CAMTA1: variants seen among roughly 807,000 people sequenced by gnomAD.
The protein encoded by CAMTA1 is calmodulin-binding transcription activator 1.
CAMTA1 carries 27 observed loss-of-function variants against 170.9 expected under a neutral mutation model. That is an observed-to-expected ratio of 0.16 (90% CI 0.12 to 0.22). CAMTA1 has a LOEUF of 0.22. Ranked by LOEUF, CAMTA1 falls within the 10% of genes least tolerant of loss-of-function variation. CAMTA1 has a pLI of 1.00. For synonymous variants in CAMTA1, 833 were observed against 891.5 expected (o/e 0.93, Z 1.17); for missense variants, 1,619 against 2,217.2 (o/e 0.73, Z 5.42).
intron 11 of CAMTA1, among the ~76,000 whole-genome samples, chr1:7,725,076 A>G (rs900025615): frequency 6.6e-6 from 1 of 152,212 alleles, no homozygotes; most frequent in Non-Finnish European, 1.5e-5. Context: ...GAAGAGGTTC[A>G]TGAAGAGAAG....
chr1:7,487,761 G>C (rs945811714), intron 6 of CAMTA1, among the ~76,000 whole-genome samples: 1 of 152,240 alleles, frequency 6.6e-6, no homozygotes, highest in Non-Finnish European at 1.5e-5. Flanking sequence ...ACTTTCCAGA[G>C]CATTCTTATC....
In CAMTA1 at chr1:6,892,980, TAAAAA is replaced by T. The variant is rs918934005; in HGVS notation, c.234+67777_234+67781del. ...AGAAACAGCCTCATTAAAGAACTGTTAAAAAAAAAAAGAGCTGTGGCCGGGCGCGG... is the reference window on the plus strand; with the variant it reads ...AGAAACAGCCTCATTAAAGAACTGTTAAAAAAGAGCTGTGGCCGGGCGCGG... On this transcript the variant is annotated intron_variant, in intron 3 of 22. Coordinates refer to ENST00000303635, the MANE Select transcript of CAMTA1 (RefSeq NM_015215.4). Among the ~76,000 whole-genome samples the T allele has an allele frequency of 4.1e-5, 6 of 146,292 alleles. No individual in the cohort carries two copies. In the East Asian group the frequency reaches 5.9e-4, roughly 14 times the overall value.
At chr1:7,524,101 C>G (rs965657822) in intron 6 of CAMTA1, among the ~76,000 whole-genome samples, 2 of 151,730 alleles carry the variant, frequency 1.3e-5, no homozygotes, top group African/African-American at 4.8e-5. Flanking sequence ...ACTTGGGAGG[C>G]TGAGGCAGAA....
intron 5 of CAMTA1, among the ~76,000 whole-genome samples, chr1:7,277,885 A>G (rs1670976787): frequency 6.6e-6 from 1 of 152,080 alleles, no homozygotes; most frequent in African/African-American, 2.4e-5. Context: ...GTGTGATATC[A>G]TATACTTAAC....
chr1:7,758,542 G>A (rs937846007), intron 22 of CAMTA1, among the ~76,000 whole-genome samples: 1 of 152,218 alleles, frequency 6.6e-6, no homozygotes, highest in Non-Finnish European at 1.5e-5. Context: ...AGAAGTCACA[G>A]TGGCACTCCC....
At chr1:7,754,986 A>G (rs966870582) in intron 21 of CAMTA1, among the ~76,000 whole-genome samples, 1 of 152,162 alleles carries the variant, frequency 6.6e-6, no homozygotes, top group Non-Finnish European at 1.5e-5. Context: ...TTTTAAAAGA[A>G]ACTATTCATG....
In CAMTA1 at chr1:7,322,539, T is replaced by G. The variant is rs57226734; in HGVS notation, c.438+72913T>G. Among the ~76,000 whole-genome samples the G allele has an allele frequency of 8.6e-3, 1,303 of 152,356 alleles. 18 individuals are homozygous for G. The highest frequency in any genetic ancestry group is 0.03 in the African/African-American group (1,240 of 41,594). ...GGCAACTGTGGCAATAGCCATCCAA[T>G]CCCATCATCCCAACAAGAATTCTCA... On this transcript the variant is annotated intron_variant, in intron 5 of 22. Transcript: ENST00000303635.
chr1:7,282,512 G>C (rs1161319264), intron 5 of CAMTA1, among the ~76,000 whole-genome samples: 1 of 152,058 alleles, frequency 6.6e-6, no homozygotes, highest in Non-Finnish European at 1.5e-5. Flanking sequence ...TGAATTTCTG[G>C]GTAGCATTTG....
At position 7,060,417 on chromosome 1, in the gene CAMTA1, C is replaced by T. The variant is rs547345094; in HGVS notation, c.235-30887C>T. ...CAGTCATATTGGATCAGGGCCCACA[C>T]TGATAGCCTCATTTTAACTTAGTCA... On this transcript the variant is annotated intron_variant, in intron 3 of 22. Transcript: ENST00000303635. 2.6e-5 allele frequency among the ~76,000 whole-genome samples: 4 copies of T among 152,366 alleles called. No individual in the cohort carries two copies. In the South Asian group the frequency reaches 8.3e-4, roughly 32 times the overall value.
chr1:7,013,049 C>T lies in CAMTA1; in HGVS notation c.235-78255C>T, dbSNP rs569010762. 4.8e-4 allele frequency among the ~76,000 whole-genome samples: 71 copies of T among 149,026 alleles called. 2 individuals carry two copies. In the East Asian group the frequency reaches 0.012, roughly 25 times the overall value. On this transcript the variant is annotated intron_variant, in intron 3 of 22. Coordinates refer to ENST00000303635, the MANE Select transcript of CAMTA1 (RefSeq NM_015215.4). ...GGGATCATCCCTGAGTCCCCTCTCTCGTCTCCACACGTCCAGACCTTCAAC... is the reference window on the plus strand; with the variant it reads ...GGGATCATCCCTGAGTCCCCTCTCTTGTCTCCACACGTCCAGACCTTCAAC...
chr1:6,868,499 G>A (rs965220071), intron 3 of CAMTA1, among the ~76,000 whole-genome samples: 6 of 151,636 alleles, frequency 4.0e-5, no homozygotes, highest in Non-Finnish European at 7.4e-5. Context: ...ATTTTGTTTT[G>A]AAAGTAATAT....
intron 6 of CAMTA1, among the ~76,000 whole-genome samples, chr1:7,494,167 T>G (rs1345320330): frequency 7.3e-6 from 1 of 137,368 alleles, no homozygotes; most frequent in Non-Finnish European, 1.5e-5. Context: ...AAAAAAAAAA[T>G]GTAACTCAGA....
At chr1:7,587,074 G>T (rs2095316260) in intron 6 of CAMTA1, among the ~76,000 whole-genome samples, 1 of 151,598 alleles carries the variant, frequency 6.6e-6, no homozygotes, top group African/African-American at 2.4e-5. Context: ...TCAATGCCTA[G>T]AATTGTTCCT....
intron 5 of CAMTA1, among the ~76,000 whole-genome samples, chr1:7,330,439 T>C (rs2082957315): frequency 6.6e-6 from 1 of 152,074 alleles, no homozygotes; most frequent in Admixed American, 6.5e-5. Context: ...TCCTCCTCCT[T>C]GGCTGGGAAA....
chr1:6,952,528 A>T (rs1688691126), intron 3 of CAMTA1, among the ~76,000 whole-genome samples: 1 of 151,418 alleles, frequency 6.6e-6, no homozygotes, highest in African/African-American at 2.4e-5. Context: ...TAGCACAATC[A>T]ATTTCAGTTG....
At position 7,010,220 on chromosome 1, in the gene CAMTA1, G is replaced by A. The variant is rs7513507; in HGVS notation, c.235-81084G>A. Among the ~76,000 whole-genome samples the A allele has an allele frequency of 0.062, 9,445 of 152,286 alleles. 340 individuals are homozygous for A. Among genetic ancestry groups the A allele is most frequent in the Middle Eastern group, 0.15 (43 of 294 alleles). On this transcript the variant is annotated intron_variant, in intron 3 of 22. Transcript: ENST00000303635. This position sits in a 1 kb window ranked among gnomAD's most constrained non-coding sequence, Gnocchi z 4.4. Reference sequence around the variant, plus strand: ...GAAGCTTCAGTCCAGAGAAGACAGAGGACTTGACTGAGCTCATGGTCAGGG... The same window carrying A: ...GAAGCTTCAGTCCAGAGAAGACAGAAGACTTGACTGAGCTCATGGTCAGGG...
rs74051099 is a variant in CAMTA1 at position 7,048,077 on chromosome 1, C to G, written c.235-43227C>G. The stretch of plus-strand genomic sequence containing the variant: ...GAAGCCCTTGGTCATAATGGTGCAG[C>G]CTGTCTGGCCAGGCGAGGGGAGGGG... On this transcript the variant is annotated intron_variant, in intron 3 of 22. Coordinates refer to ENST00000303635, the MANE Select transcript of CAMTA1 (RefSeq NM_015215.4). Among the ~76,000 whole-genome samples the G allele has an allele frequency of 8.9e-3, 1,360 of 152,214 alleles. 21 individuals are homozygous for G. The highest frequency in any genetic ancestry group is 0.029 in the African/African-American group (1,215 of 41,518).
chr1:7,701,449 T>C (rs1300905651), intron 11 of CAMTA1, among the ~76,000 whole-genome samples: 1 of 152,168 alleles, frequency 6.6e-6, no homozygotes, highest in East Asian at 1.9e-4. Flanking sequence ...AGGGTCTTGC[T>C]CTGTTGCCCA....
rs1557997552 is a variant in CAMTA1, at chr1:7,609,011, G to A, written c.511-31389G>A. ...GGAGCTGTCTGGCTAGGAGGCCTGC[G>A]TTGTGGATTGGAAAGGAGTCTCCTG... is the stretch of plus-strand genomic sequence containing the variant. On this transcript the variant is annotated intron_variant, in intron 6 of 22. Coordinates refer to ENST00000303635, the MANE Select transcript of CAMTA1 (RefSeq NM_015215.4). This position sits in a 1 kb window ranked among gnomAD's most constrained non-coding sequence, Gnocchi z 4.4. Among the ~76,000 whole-genome samples, 2 of 152,124 alleles carry A rather than the reference G, an allele frequency of 1.3e-5. No homozygotes were observed. The highest frequency in any genetic ancestry group is 4.8e-5 in the African/African-American group (2 of 41,432).
Sources: gnomAD v4.1 joint callset for allele counts (sites outside exome capture counted in the v4.1 genomes callset) on GRCh38, gnomAD v4.1.1 for gene constraint, Gnocchi (gnomAD v3.1) non-coding constraint, MANE v1.5 for transcripts, NCBI Gene and HGNC (gene_info 2026-07-23, HGNC 2026-07-21) for gene names.